Variants in KCTD16 observed in about 807,000 individuals in gnomAD.
KCTD16 encodes the protein potassium channel tetramerization domain containing 16.
KCTD16 carries 13 observed loss-of-function variants against 33.2 expected under a neutral mutation model. The observed-to-expected ratio is 0.39, with a 90% CI of 0.25 to 0.62. The LOEUF (loss-of-function observed/expected upper bound fraction) is 0.62, where lower values mean the gene tolerates loss of function less well. Among genes scored for constraint, KCTD16 ranks in the 20% least tolerant of loss-of-function variants. The pLI, the probability that KCTD16 is intolerant of heterozygous loss-of-function variation, is 0.50. For missense variants in KCTD16, 441 were observed against 525.1 expected (o/e 0.84, Z 1.57); for synonymous variants, 197 against 195.3 (o/e 1.01, Z -0.07).
intron 3 of KCTD16, among the ~76,000 whole-genome samples, chr5:144,265,411 T>A (rs1027842453): frequency 2.0e-5 from 3 of 152,210 alleles, no homozygotes; most frequent in Non-Finnish European, 4.4e-5. Context: ...ATACCGTCAA[T>A]TGATTTTATA....
chr5:144,260,993 A>G (rs939713502), intron 3 of KCTD16, among the ~76,000 whole-genome samples: 1 of 151,950 alleles, frequency 6.6e-6, no homozygotes. Flanking sequence ...AGCTTACTTT[A>G]ATATCTGACT....
chr5:144,470,395 C>T (rs1229901570), intron 3 of KCTD16, among the ~76,000 whole-genome samples: 1 of 152,154 alleles, frequency 6.6e-6, no homozygotes, highest in Non-Finnish European at 1.5e-5. Flanking sequence ...TATCTTCTCA[C>T]ATTTGATTAT....
chr5:144,264,837 T>C (rs2126841892), intron 3 of KCTD16, among the ~76,000 whole-genome samples: 1 of 152,312 alleles, frequency 6.6e-6, no homozygotes. Flanking sequence ...CTTGTGTACT[T>C]AAAAGTTTAA....
At chr5:144,452,918 C>A (rs1364224376) in intron 3 of KCTD16, among the ~76,000 whole-genome samples, 2 of 152,118 alleles carry the variant, frequency 1.3e-5, no homozygotes, top group Non-Finnish European at 2.9e-5. Flanking sequence ...ATTTGAGAAA[C>A]AATACGGGTA....
chr5:144,291,921 G>C (rs1308243705), intron 3 of KCTD16, among the ~76,000 whole-genome samples: 1 of 152,078 alleles, frequency 6.6e-6, no homozygotes, highest in Non-Finnish European at 1.5e-5. Context: ...TCAAAATATT[G>C]TTTAAAATTA....
Position 144,243,900 on chromosome 5 carries a change from C to T in KCTD16, c.832+36354C>T, listed in dbSNP as rs188464699. Among the ~76,000 whole-genome samples the T allele has an allele frequency of 3.8e-3, 572 of 152,134 alleles. 3 individuals are homozygous for T. The highest frequency in any genetic ancestry group is 5.7e-3 in the Non-Finnish European group (387 of 67,998). ...CTGGGACTACAGGTGCACGCCATCACGCCCGGCTAATTTTTTTGTATTTTA... is the reference window on the plus strand; with the variant it reads ...CTGGGACTACAGGTGCACGCCATCATGCCCGGCTAATTTTTTTGTATTTTA... On this transcript the variant is annotated intron_variant, in intron 3 of 3. Coordinates refer to ENST00000512467, the MANE Select transcript of KCTD16 (RefSeq NM_020768.4).
intron 3 of KCTD16, among the ~76,000 whole-genome samples, chr5:144,231,080 T>C (rs1269154088): frequency 6.6e-6 from 1 of 152,210 alleles, no homozygotes; most frequent in Non-Finnish European, 1.5e-5. Flanking sequence ...GTGGAGAGAC[T>C]TGTAGACACC....
chr5:144,440,572 C>A (rs1248639878), intron 3 of KCTD16, among the ~76,000 whole-genome samples: 3 of 151,576 alleles, frequency 2.0e-5, no homozygotes, highest in African/African-American at 7.3e-5. Flanking sequence ...CAACTCACAC[C>A]GGTAATCCCA....
intron 3 of KCTD16, among the ~76,000 whole-genome samples, chr5:144,401,420 A>G (rs1290705982): frequency 6.6e-6 from 1 of 152,186 alleles, no homozygotes; most frequent in African/African-American, 2.4e-5. Context: ...CACACAGAGC[A>G]TACATGCACA....
chr5:144,213,070 T>C (rs945688236), intron 3 of KCTD16, among the ~76,000 whole-genome samples: 5 of 152,122 alleles, frequency 3.3e-5, no homozygotes, highest in African/African-American at 1.2e-4. Context: ...TATTCTACCA[T>C]ATACCATTAT....
intron 3 of KCTD16, among the ~76,000 whole-genome samples, chr5:144,252,926 T>C (rs1754742624): frequency 6.6e-6 from 1 of 151,812 alleles, no homozygotes; most frequent in Admixed American, 6.6e-5. Context: ...CTTTGTCTCT[T>C]TTCCCTTTTC....
chr5:144,472,248 T>G (rs541165311), intron 3 of KCTD16, among the ~76,000 whole-genome samples: 9 of 152,332 alleles, frequency 5.9e-5, no homozygotes, highest in African/African-American at 2.2e-4. Context: ...GTACAAAGAA[T>G]TGTAGAAGTG....
chr5:144,313,194 A>G (rs1034596103), intron 3 of KCTD16, among the ~76,000 whole-genome samples: 1 of 152,184 alleles, frequency 6.6e-6, no homozygotes, highest in African/African-American at 2.4e-5. Context: ...TGACTGTGAT[A>G]TGAGAGATCA....
At chr5:144,294,591 G>A (rs953510434) in intron 3 of KCTD16, among the ~76,000 whole-genome samples, 2 of 152,080 alleles carry the variant, frequency 1.3e-5, no homozygotes, top group African/African-American at 4.8e-5. Context: ...ATAGAATTGT[G>A]TTAAATATGC....
At chr5:144,235,677 G>A (rs1754231464) in intron 3 of KCTD16, among the ~76,000 whole-genome samples, 1 of 152,032 alleles carries the variant, frequency 6.6e-6, no homozygotes, top group African/African-American at 2.4e-5. Flanking sequence ...GTATAGAAAT[G>A]AGAGATGAGA....
intron 3 of KCTD16, among the ~76,000 whole-genome samples, chr5:144,297,010 G>A (rs116462551): frequency 6.6e-6 from 1 of 152,128 alleles, no homozygotes; most frequent in African/African-American, 2.4e-5. Context: ...TTTGAAACCT[G>A]ATTTCTGTAA....
chr5:144,476,297 A>T lies in KCTD16; in HGVS notation c.*2183A>T, dbSNP rs183447645. On this transcript the variant is annotated 3_prime_UTR_variant, in exon 4 of 4. Coordinates refer to ENST00000512467, the MANE Select transcript of KCTD16 (RefSeq NM_020768.4). Reference sequence around the variant, plus strand: ...TCTAACTAAAATGGCCAAAGTTCCAACTTCCTTAAATTTCAGACCTGACTG... The same window carrying T: ...TCTAACTAAAATGGCCAAAGTTCCATCTTCCTTAAATTTCAGACCTGACTG... 1 of 152,320 alleles carries T rather than the reference A, an allele frequency of 6.6e-6. No homozygotes were observed. The highest frequency in any genetic ancestry group is 2.4e-5 in the African/African-American group (1 of 41,580). 9.4% of individuals were successfully genotyped at this position (152,320 alleles called of 1,614,324 possible).
At chr5:144,401,386 A>G (rs1040929030) in intron 3 of KCTD16, among the ~76,000 whole-genome samples, 3 of 152,200 alleles carry the variant, frequency 2.0e-5, no homozygotes, top group Admixed American at 1.3e-4. Flanking sequence ...GTAGGAGTGT[A>G]TGTCTTTGTA....
rs192110560 is a variant in KCTD16, at chr5:144,293,786, A to G, written c.832+86240A>G. 1.9e-4 allele frequency among the ~76,000 whole-genome samples: 29 copies of G among 152,326 alleles called. No individual in the cohort carries two copies. The East Asian group carries it at 4.4e-3, about 23-fold the overall frequency. On this transcript the variant is annotated intron_variant, in intron 3 of 3. Transcript: ENST00000512467. ...TGTAATTAAATGAGAAGCCAGTTAC[A>G]TTTTGCATATAATGTTGAATGCTTT...
Sources: gnomAD v4.1 joint callset for allele counts (sites outside exome capture counted in the v4.1 genomes callset) on GRCh38, gnomAD v4.1.1 for gene constraint, MANE v1.5 for transcripts, NCBI Gene and HGNC (gene_info 2026-07-23, HGNC 2026-07-21) for gene names.